Variants in ZNF83 observed in about 807,000 individuals in gnomAD.
The protein encoded by ZNF83 is zinc finger protein 83, also known as zinc finger protein 816B.
For missense variants in ZNF83, 552 were observed against 629.9 expected, an observed-to-expected ratio of 0.88 and a Z score of 1.32; for synonymous variants, 209 against 213.0, an observed-to-expected ratio of 0.98 and a Z score of 0.17.
intron 3 of ZNF83, chr19:52,654,867 T>G (rs1387829134): frequency 6.5e-6 from 1 of 153,328 alleles, no homozygotes; most frequent in African/African-American, 2.4e-5. Context: ...CAGTGAGAGA[T>G]GCTTCTGTGA....
intron 1 of ZNF83, among the ~76,000 whole-genome samples, chr19:52,679,034 C>CCTTA (rs1428268397): frequency 6.6e-6 from 1 of 151,976 alleles, no homozygotes; most frequent in Non-Finnish European, 1.5e-5. Flanking sequence ...TCACAAGCTC[C>CCTTA]CTTAATAAGA....
intron 3 of ZNF83, among the ~76,000 whole-genome samples, chr19:52,648,113 C>A (rs918856932): frequency 2.6e-5 from 4 of 151,730 alleles, no homozygotes; most frequent in African/African-American, 9.7e-5. Context: ...TAGCTTTTCT[C>A]TACATTTCTC....
intron 3 of ZNF83, chr19:52,655,538 A>C: frequency 6.8e-7 from 1 of 1,471,544 alleles, no homozygotes; most frequent in Non-Finnish European, 9.5e-7. Flanking sequence ...GATTCCTCAC[A>C]TCAGGAGGGA....
chr19:52,635,320 G>A (rs2061110444), intron 1 of ZNF83, 167 bp from the exon 2 acceptor site: 1 of 394,294 alleles, frequency 2.5e-6, no homozygotes, highest in East Asian at 3.9e-5. Context: ...CACCCTTCTG[G>A]AGAAGCCCAC....
chr19:52,639,890 C>T (rs2061274858), upstream of ZNF83, among the ~76,000 whole-genome samples: 1 of 152,132 alleles, frequency 6.6e-6, no homozygotes, highest in African/African-American at 2.4e-5. Context: ...TTGAGGCAAA[C>T]AGCTAAGAGG....
At chr19:52,641,336 A>G (rs753629295), upstream of ZNF83, among the ~76,000 whole-genome samples, 88 of 152,236 alleles carry the variant, frequency 5.8e-4, no homozygotes, top group Non-Finnish European at 7.3e-4. Context: ...AGCAATAGCA[A>G]TACTAAGTGA....
intron 2 of ZNF83, among the ~76,000 whole-genome samples, chr19:52,631,220 A>G (rs1238127875): frequency 4.6e-5 from 7 of 151,712 alleles, no homozygotes; most frequent in African/African-American, 1.5e-4. Context: ...TAATTCTCAT[A>G]AAAACACATG....
At chr19:52,672,575 T>C (rs2061740921) in intron 1 of ZNF83, among the ~76,000 whole-genome samples, 1 of 152,168 alleles carries the variant, frequency 6.6e-6, no homozygotes, top group South Asian at 2.1e-4. Context: ...TAGCACCTCA[T>C]CTTTATGTTT....
At chr19:52,683,586 GA>G (rs2061964544) in intron 1 of ZNF83, among the ~76,000 whole-genome samples, 1 of 151,322 alleles carries the variant, frequency 6.6e-6, no homozygotes, top group Non-Finnish European at 1.5e-5. Context: ...GCAGAGCATG[GA>G]AGACCTGGGA....
intron 2 of ZNF83, 129 bp downstream of exon 2, chr19:52,634,937 G>A: frequency 1.3e-6 from 1 of 763,000 alleles, no homozygotes. Context: ...ACTGAGGGAA[G>A]GCATGGGTGA....
intron 2 of ZNF83, chr19:52,618,662 GC>G: frequency 2.0e-6 from 1 of 498,236 alleles, no homozygotes; most frequent in South Asian, 2.6e-5. Flanking sequence ...CTCCCAAAGT[GC>G]TGGGATTACA....
intron 2 of ZNF83, among the ~76,000 whole-genome samples, chr19:52,616,309 T>G (rs1176626334): frequency 1.3e-5 from 2 of 152,208 alleles, no homozygotes; most frequent in Admixed American, 6.5e-5. Context: ...GATTTGATCT[T>G]GGGCTGCAGA....
intron 1 of ZNF83, among the ~76,000 whole-genome samples, chr19:52,684,630 T>C (rs1447639521): frequency 1.3e-5 from 2 of 151,118 alleles, no homozygotes; most frequent in Non-Finnish European, 2.9e-5. Context: ...AGTAACGTGA[T>C]AGAGACTGGT....
chr19:52,674,436 T>C (rs975107795), intron 1 of ZNF83, among the ~76,000 whole-genome samples: 5 of 152,250 alleles, frequency 3.3e-5, no homozygotes, highest in Non-Finnish European at 5.9e-5. Flanking sequence ...AGCAATGAAA[T>C]AGCAAAAGAA....
At chr19:52,644,059 G>A (rs1568559790) in intron 3 of ZNF83, among the ~76,000 whole-genome samples, 2 of 152,150 alleles carry the variant, frequency 1.3e-5, no homozygotes, top group Non-Finnish European at 2.9e-5. Context: ...AGCTGGTGGA[G>A]GGTTCCCTGC....
At chr19:52,673,001 T>A (rs542167542) in intron 1 of ZNF83, among the ~76,000 whole-genome samples, 3 of 151,228 alleles carry the variant, frequency 2.0e-5, no homozygotes, top group Admixed American at 2.0e-4. Flanking sequence ...ATTGTACATA[T>A]AAAAATGGGG....
At chr19:52,614,485 T>G in exon 3 of ZNF83, 1 of 1,611,456 alleles carries the variant, frequency 6.2e-7, no homozygotes, top group East Asian at 2.2e-5. Context: ...TAGCTGCAGT[T>G]CTGGTAGATG....
intron 3 of ZNF83, among the ~76,000 whole-genome samples, chr19:52,645,883 C>T (rs138417678): frequency 6.8e-4 from 103 of 151,196 alleles, no homozygotes; most frequent in African/African-American, 2.3e-3. Context: ...AAATCTATTA[C>T]ACAAGAGAAC....
chr19:52,684,214 T>C (rs1021590478), intron 1 of ZNF83, among the ~76,000 whole-genome samples: 2 of 151,704 alleles, frequency 1.3e-5, no homozygotes, highest in African/African-American at 2.4e-5. Flanking sequence ...ACTAAAAACA[T>C]AAAAAGTAGC....
Sources: gnomAD v4.1 joint callset for allele counts (sites outside exome capture counted in the v4.1 genomes callset) on GRCh38, gnomAD v4.1.1 for gene constraint, MANE v1.5 for transcripts, NCBI Gene and HGNC (gene_info 2026-07-23, HGNC 2026-07-21) for gene names.